Variants in ZBTB14 observed in about 807,000 individuals in gnomAD.
ZBTB14 encodes the protein zinc finger and BTB domain-containing protein 14.
Under a neutral mutation model 29.5 loss-of-function variants are expected in ZBTB14, and 8 were observed. That is an observed-to-expected ratio of 0.27 (90% confidence interval 0.16 to 0.49). ZBTB14 has a LOEUF of 0.49. Among genes scored for constraint, ZBTB14 ranks in the 20% least tolerant of loss-of-function variants. ZBTB14 has a pLI of 0.99. For synonymous variants in ZBTB14, 226 were observed against 207.2 expected, an observed-to-expected ratio of 1.09 and a Z score of -0.78; for missense variants, 333 against 563.8, an observed-to-expected ratio of 0.59 and a Z score of 4.15.
intron 2 of ZBTB14, 44 bp from the exon 3 acceptor site, chr18:5,293,371 T>C: frequency 2.1e-6 from 2 of 971,696 alleles, no homozygotes; most frequent in East Asian, 2.5e-5. Context: ...GATCTTCCTG[T>C]ATCCCAAATC....
upstream of ZBTB14, chr18:5,297,025 G>A (rs1403241317): frequency 6.6e-6 from 1 of 152,094 alleles, no homozygotes. Flanking sequence ...GATGCAGGAG[G>A]CCGGACAGCA....
At chr18:5,295,480 C>G (rs1397201722) in intron 1 of ZBTB14, among the ~76,000 whole-genome samples, 172 bp downstream of exon 1, 1 of 145,166 alleles carries the variant, frequency 6.9e-6, no homozygotes, top group Non-Finnish European at 1.5e-5. Flanking sequence ...CCGCGGTGCA[C>G]TGCGGCGGTG....
chr18:5,292,921 T>G (rs1438584991), intron 3 of ZBTB14, among the ~76,000 whole-genome samples: 1 of 152,184 alleles, frequency 6.6e-6, no homozygotes, highest in Non-Finnish European at 1.5e-5. Context: ...GGGAAGTGGC[T>G]TTGTTCTCTC....
upstream of ZBTB14, among the ~76,000 whole-genome samples, chr18:5,296,515 T>C (rs2071971755): frequency 6.6e-6 from 1 of 151,248 alleles, no homozygotes; most frequent in African/African-American, 2.4e-5. Flanking sequence ...TGCGGGGCTC[T>C]GCCGCGTCTC....
chr18:5,291,038 C>T lies in ZBTB14; in HGVS notation c.1170G>A (p.Val390=), dbSNP rs780406401. The part of the protein sequence containing the change: ...ERRHRGEKPF[V]CGSCTKAFAK... ...CAAATGCCTTGGTGCAGGAGCCACA[C>T]ACAAAAGGCTTTTCCCCTCTGTGTC... The change falls in exon 4 of 4, where the codon GTG becomes GTA. Residue 390 remains valine, a synonymous_variant. Coordinates refer to ENST00000651870, the MANE Select transcript of ZBTB14 (RefSeq NM_001243702.2). This position sits in a 1 kb window ranked among gnomAD's most constrained non-coding sequence, Gnocchi z 5.8. 4 of 1,614,292 alleles carry T rather than the reference C, an allele frequency of 2.5e-6. No homozygotes were observed. The highest frequency in any genetic ancestry group is 3.4e-6 in the Non-Finnish European group (4 of 1,180,060).
chr18:5,290,709 T>TA lies in ZBTB14; in HGVS notation c.*148dup. On this transcript the variant is annotated 3_prime_UTR_variant, in exon 4 of 4. Transcript: ENST00000651870. ...GGAACACCATTTCCTTGAAAAGTCT[T>TA]AAAAATAGCTAACCAAGCACTGCCT... The TA allele has an allele frequency of 8.0e-7, 1 of 1,253,728 alleles. No individual in the cohort carries two copies. 77.7% of individuals were successfully genotyped at this position (1,253,728 alleles called of 1,614,324 possible). A position where few individuals can be genotyped will look rare whatever the true frequency, so the allele number is the denominator to read the frequency against.
rs879857845 is a variant in ZBTB14 at position 5,294,509 on chromosome 18, CCT to C, written c.-111-510_-111-509del. Among the ~76,000 whole-genome samples the C allele has an allele frequency of 4.6e-5, 7 of 152,198 alleles. No individual in the cohort carries two copies. The East Asian group carries it at 1.2e-3, about 25-fold the overall frequency. On this transcript the variant is annotated intron_variant, in intron 1 of 3. Coordinates refer to ENST00000651870, the MANE Select transcript of ZBTB14 (RefSeq NM_001243702.2). The stretch of plus-strand genomic sequence containing the variant: ...TGTACTTGGCCACTCGCCCCTCTCC[CCT>C]CTCTCTCTCAAGATGTATGAGACCT...
rs777851498 is a variant in ZBTB14, at chr18:5,291,128, C to A, written c.1080G>T (p.Pro360=). ...KHERVHSNER[P]FACHMCDKAF... ...CTTTGTCACACATGTGGCACGCAAA[C>A]GGTCTTTCATTACTGTGAACTCTCT... is the stretch of plus-strand genomic sequence containing the variant. The change falls in exon 4 of 4, where the codon CCG becomes CCT. Residue 360 remains proline (P), a synonymous_variant. Transcript: ENST00000651870. This position sits in a 1 kb window ranked among gnomAD's most constrained non-coding sequence, Gnocchi z 5.8. 2 of 1,614,258 alleles carry A rather than the reference C, an allele frequency of 1.2e-6. No individual in the cohort carries two copies. The highest frequency in any genetic ancestry group is 1.7e-5 in the Admixed American group (1 of 60,032).
rs1254552849 is a variant in ZBTB14 at position 5,289,046 on chromosome 18, C to CA, written c.*1811dup. The CA allele has an allele frequency of 3.9e-5, 6 of 152,128 alleles. No individual in the cohort carries two copies. In the East Asian group the frequency reaches 7.7e-4, roughly 20 times the overall value. 9.4% of individuals were successfully genotyped at this position (152,128 alleles called of 1,614,324 possible). ...ATAGAAGTATATTTTCTTTTATATA[C>CA]AAAAAATGAAGTCCCAAAATATGGT... On this transcript the variant is annotated 3_prime_UTR_variant, in exon 4 of 4. Coordinates refer to ENST00000651870, the MANE Select transcript of ZBTB14 (RefSeq NM_001243702.2).
chr18:5,291,476 C>G lies in ZBTB14; in HGVS notation c.732G>C (p.Gly244=). Residue 244 remains glycine (G), a synonymous_variant, in exon 4 of 4, where the codon GGG becomes GGC. Coordinates refer to ENST00000651870, the MANE Select transcript of ZBTB14 (RefSeq NM_001243702.2). This position sits in a 1 kb window ranked among gnomAD's most constrained non-coding sequence, Gnocchi z 5.8. The stretch of plus-strand genomic sequence containing the variant: ...TCTGTTCATCTTTCACTTCACTCAT[C>G]CCATCATTAAATGTTAAGGCTTGAG... ...QTPQALTFND[G]MSEVKDEQTP... The G allele has an allele frequency of 6.2e-7, 1 of 1,614,182 alleles. No individual in the cohort carries two copies.
intron 1 of ZBTB14, among the ~76,000 whole-genome samples, chr18:5,295,139 C>A (rs2071919441): frequency 6.8e-6 from 1 of 146,408 alleles, no homozygotes; most frequent in South Asian, 2.1e-4. Flanking sequence ...CGCGGCGGCC[C>A]CGGCGGCGCG....
intron 1 of ZBTB14, chr18:5,294,963 T>C (rs1038434726): frequency 2.0e-5 from 3 of 151,920 alleles, no homozygotes; most frequent in Admixed American, 1.3e-4. Flanking sequence ...CTCAATTTCT[T>C]TGGGCCTGGG....
At chr18:5,293,434 G>C (rs1476629342) in intron 2 of ZBTB14, 107 bp from the exon 3 acceptor site, 1 of 643,976 alleles carries the variant, frequency 1.6e-6, no homozygotes, top group Non-Finnish European at 2.7e-6. Flanking sequence ...CCTCTTTTGT[G>C]CATTTTCAGG....
At chr18:5,293,467 A>G (rs976226899) in intron 2 of ZBTB14, 140 bp from the exon 3 acceptor site, 11 of 560,384 alleles carry the variant, frequency 2.0e-5, no homozygotes, top group Non-Finnish European at 3.2e-6. Flanking sequence ...GCAGGTAGGT[A>G]GCTGGTACAT....
rs765589608 is a variant in ZBTB14 at position 5,293,261 on chromosome 18, A to G, written c.-15T>C. ...ATAGTTACCATGAACAACTCAGGCT[A>G]TTATCTTAATGCCTTGAACGCCAAA... On this transcript the variant is annotated 5_prime_UTR_variant, in exon 3 of 4. Transcript: ENST00000651870. 2.5e-6 allele frequency: 4 copies of G among 1,613,202 alleles called. No individual in the cohort carries two copies. In the South Asian group the frequency reaches 4.4e-5, roughly 18 times the overall value.
rs1185265441 is a variant in ZBTB14 at position 5,293,340 on chromosome 18, GGATA to G, written c.-81-17_-81-14del. 8 of 1,304,100 alleles carry G rather than the reference GGATA, an allele frequency of 6.1e-6. No individual in the cohort carries two copies. The African/African-American group carries it at 8.9e-5, about 14-fold the overall frequency. 80.8% of individuals were successfully genotyped at this position (1,304,100 alleles called of 1,614,324 possible). ...GAGCACGCCAGACCTACAGAGGAAA[GGATA>G]AACAAGAATGAGGTAGGATCTTCCT... On this transcript the variant is annotated splice_polypyrimidine_tract_variant and intron_variant, in intron 2 of 3. Coordinates refer to ENST00000651870, the MANE Select transcript of ZBTB14 (RefSeq NM_001243702.2).
upstream of ZBTB14, among the ~76,000 whole-genome samples, chr18:5,296,511 G>A (rs1224913164): frequency 3.2e-4 from 49 of 151,512 alleles, no homozygotes; most frequent in Admixed American, 2.8e-3. Context: ...AGGCTGCGGG[G>A]CTCTGCCGCG....
At chr18:5,296,489 G>C (rs1219536637), upstream of ZBTB14, among the ~76,000 whole-genome samples, 4 of 151,124 alleles carry the variant, frequency 2.6e-5, no homozygotes, top group Non-Finnish European at 5.9e-5. Context: ...GGCGCGCGCA[G>C]GCCGGGCGCT....
chr18:5,295,325 C>T (rs2071927622), intron 1 of ZBTB14, among the ~76,000 whole-genome samples: 2 of 143,958 alleles, frequency 1.4e-5, no homozygotes, highest in South Asian at 2.1e-4. Context: ...ACCCAAGCTC[C>T]GCGGGCGCAC....
Sources: allele counts gnomAD v4.1 joint callset (sites outside exome capture counted in the v4.1 genomes callset), GRCh38; gene constraint gnomAD v4.1.1; non-coding constraint Gnocchi (gnomAD v3.1); transcripts MANE v1.5; gene names NCBI Gene and HGNC (gene_info 2026-07-23, HGNC 2026-07-21).